The following KLHL4 variants were observed in gnomAD, a reference collection of about 807,000 sequenced individuals.
KLHL4 encodes kelch-like protein 4.
In KLHL4, 17 loss-of-function variants were observed where a neutral mutation model predicts 45.8. That is an observed-to-expected ratio of 0.37 (90% CI 0.25 to 0.56). KLHL4 has a LOEUF of 0.56. Among genes scored for constraint, KLHL4 ranks in the 20% least tolerant of loss-of-function variants. The pLI is 0.79. For synonymous variants in KLHL4, 224 were observed against 189.9 expected (o/e 1.18, Z -1.47); for missense variants, 544 against 544.9 (o/e 1.00, Z 0.02).
At chrX:87,666,355 A>T in intron 10 of KLHL4, 120 bp from the exon 11 acceptor site, 1 of 590,563 alleles carries the variant, frequency 1.7e-6, no homozygotes, top group Non-Finnish European at 2.4e-6. Flanking sequence ...TCTCATCTTT[A>T]GACAAGGTGA....
rs1443335950 is a variant in KLHL4, at chrX:87,528,585, C to T, written c.422+10270C>T. On this transcript the variant is annotated intron_variant, in intron 1 of 10. Transcript: ENST00000373119. The stretch of plus-strand genomic sequence containing the variant: ...TAAAAATTAGCTCAGCGTGGTGGCA[C>T]GTGCCTGTAGTTCCAGCAACTCGAG... Among the ~76,000 whole-genome samples, 7 of 107,610 alleles carry T rather than the reference C, an allele frequency of 6.5e-5. No homozygotes were observed. In the East Asian group the frequency reaches 2.0e-3, roughly 31 times the overall value. The allele number at this position is 107,610 out of a possible 115,157, so 93.4% of individuals were successfully genotyped here.
chrX:87,578,949 C>A (rs1921183830), intron 1 of KLHL4, among the ~76,000 whole-genome samples: 1 of 112,004 alleles, frequency 8.9e-6, no homozygotes, highest in African/African-American at 3.2e-5. Flanking sequence ...GTGCCTCTAA[C>A]ATCCTGGACT....
intron 9 of KLHL4, among the ~76,000 whole-genome samples, chrX:87,654,336 A>G (rs1041180265): frequency 6.3e-5 from 7 of 110,735 alleles, no homozygotes; most frequent in Non-Finnish European, 5.7e-5. Context: ...CTACTACTCC[A>G]CTTCCTATAT....
chrX:87,568,936 C>T (rs774969151), intron 1 of KLHL4, among the ~76,000 whole-genome samples: 40 of 111,113 alleles, frequency 3.6e-4, no homozygotes, highest in African/African-American at 5.5e-4. Flanking sequence ...AAAAATATGA[C>T]GCCAAAGTAC....
intron 1 of KLHL4, among the ~76,000 whole-genome samples, chrX:87,545,067 G>A (rs1279580495): frequency 8.9e-6 from 1 of 112,235 alleles, no homozygotes; most frequent in Non-Finnish European, 1.9e-5. Context: ...CAAAGAGAAT[G>A]AATTCAGAAT....
intron 5 of KLHL4, among the ~76,000 whole-genome samples, chrX:87,623,724 G>A (rs1252535182): frequency 9.0e-6 from 1 of 111,453 alleles, no homozygotes; most frequent in Non-Finnish European, 1.9e-5. Context: ...TTTATCCAAA[G>A]AGCAAGGAAG....
Position 87,618,130 on chromosome X carries a change from T to C in KLHL4, c.924+2T>C. On this transcript the variant is annotated splice_donor_variant, in intron 4 of 10. Transcript: ENST00000373119. LOFTEE classifies it high-confidence loss of function. ...AACGTGGCACACAAATACACTATGG[T>C]AAAATCAATTGCTTCAACTGAACTT... The C allele has an allele frequency of 8.6e-7, 1 of 1,162,152 alleles. No individual in the cohort carries two copies.
At chrX:87,594,843 G>C (rs1447645164) in intron 1 of KLHL4, among the ~76,000 whole-genome samples, 2 of 111,239 alleles carry the variant, frequency 1.8e-5, no homozygotes, top group African/African-American at 3.3e-5. Flanking sequence ...AGTTGATCTT[G>C]TTTGTTCTAT....
chrX:87,601,524 T>C (rs760858178), intron 1 of KLHL4, among the ~76,000 whole-genome samples: 1 of 111,788 alleles, frequency 8.9e-6, no homozygotes, highest in Non-Finnish European at 1.9e-5. Flanking sequence ...TCTCTTAGTG[T>C]GCATGCTTGA....
In KLHL4 at chrX:87,518,133, G is replaced by A. The variant is rs769591601; in HGVS notation, c.240G>A (p.Pro80=). 1.7e-6 allele frequency: 2 copies of A among 1,211,715 alleles called. No homozygotes were observed. The highest frequency in any genetic ancestry group is 1.7e-5 in the African/African-American group (1 of 57,858). Reference sequence around the variant, plus strand: ...ATATACTGGCACCAGTGCCAGGACCGGCCCCTGCCCATCAGAGAGCCGTTC... The same window carrying A: ...ATATACTGGCACCAGTGCCAGGACCAGCCCCTGCCCATCAGAGAGCCGTTC... ...HHNILAPVPG[P]APAHQRAVQN... The change falls in exon 1 of 11, where the codon CCG becomes CCA. Residue 80 remains proline, a synonymous_variant. Transcript: ENST00000373119.
intron 1 of KLHL4, among the ~76,000 whole-genome samples, chrX:87,578,443 G>A (rs760321195): frequency 9.0e-6 from 1 of 111,311 alleles, no homozygotes; most frequent in Non-Finnish European, 1.9e-5. Context: ...ATGTCAGCAA[G>A]ATGGTAGAAT....
At chrX:87,543,082 G>A (rs189183893) in intron 1 of KLHL4, among the ~76,000 whole-genome samples, 6 of 110,918 alleles carry the variant, frequency 5.4e-5, no homozygotes, top group Non-Finnish European at 1.1e-4. Flanking sequence ...CTGCTGCCTT[G>A]TGAAGAAGGT....
In KLHL4 at chrX:87,531,191, G is replaced by A. The variant is rs780244446; in HGVS notation, c.422+12876G>A. 4.5e-3 allele frequency among the ~76,000 whole-genome samples: 496 copies of A among 109,924 alleles called. 5 individuals carry two copies. Among genetic ancestry groups the A allele is most frequent in the African/African-American group, 0.014 (419 of 30,178 alleles). On this transcript the variant is annotated intron_variant, in intron 1 of 10. Coordinates refer to ENST00000373119, the MANE Select transcript of KLHL4 (RefSeq NM_019117.5). ...GCCCTTTGTCAGATGAGTAGGTTGC[G>A]AAAATTTTCTCCCATTTTGTAGGTT...
intron 9 of KLHL4, among the ~76,000 whole-genome samples, chrX:87,641,926 C>A (rs1602459749): frequency 9.2e-6 from 1 of 108,668 alleles, no homozygotes; most frequent in Non-Finnish European, 1.9e-5. Context: ...ATGCCTAGCC[C>A]CACCCCCACC....
intron 1 of KLHL4, among the ~76,000 whole-genome samples, chrX:87,585,360 G>A (rs1921432480): frequency 9.0e-6 from 1 of 111,333 alleles, no homozygotes; most frequent in African/African-American, 3.3e-5. Context: ...CACTAACTAT[G>A]GTGTGTAAAC....
intron 1 of KLHL4, among the ~76,000 whole-genome samples, chrX:87,574,669 A>G (rs1296354532): frequency 9.0e-6 from 1 of 111,655 alleles, no homozygotes; most frequent in Non-Finnish European, 1.9e-5. Context: ...TTAGGAGGCT[A>G]ATCAGTGTGG....
intron 1 of KLHL4, among the ~76,000 whole-genome samples, chrX:87,573,066 T>C (rs1249719753): frequency 8.9e-6 from 1 of 112,022 alleles, no homozygotes; most frequent in Non-Finnish European, 1.9e-5. Context: ...AGGCATTTGT[T>C]TGAGTTACCA....
intron 1 of KLHL4, among the ~76,000 whole-genome samples, chrX:87,547,435 C>T (rs998063211): frequency 9.0e-6 from 1 of 111,681 alleles, no homozygotes; most frequent in African/African-American, 3.3e-5. Flanking sequence ...TTGAATTAAA[C>T]CTCTTTTATT....
At chrX:87,620,650 C>CT (rs1922719253) in intron 4 of KLHL4, among the ~76,000 whole-genome samples, 1 of 112,222 alleles carries the variant, frequency 8.9e-6, no homozygotes, top group Admixed American at 9.5e-5. Context: ...TGTCTAAACT[C>CT]TTTCACAAAA....
Sources: allele counts gnomAD v4.1 joint callset (sites outside exome capture counted in the v4.1 genomes callset), GRCh38; gene constraint gnomAD v4.1.1; transcripts MANE v1.5; gene names NCBI Gene and HGNC (gene_info 2026-07-23, HGNC 2026-07-21).